ABHD12: variants seen among roughly 807,000 people sequenced by gnomAD.
ABHD12 encodes the protein abhydrolase domain containing 12, lysophospholipase.
A neutral mutation model predicts 58.3 loss-of-function variants in ABHD12; 43 were observed. The observed-to-expected ratio is 0.74, with a 90% CI of 0.58 to 0.95. The LOEUF is 0.95. ABHD12 is among the 40% of genes least tolerant of loss of function. The pLI is 0.00. For synonymous variants in ABHD12, 219 were observed against 211.2 expected (o/e 1.04, Z -0.32); for missense variants, 539 against 537.2 (o/e 1.00, Z -0.03).
intron 1 of ABHD12, among the ~76,000 whole-genome samples, chr20:25,384,259 T>C (rs1157076586): frequency 1.3e-5 from 2 of 151,230 alleles, no homozygotes; most frequent in Admixed American, 6.6e-5. Flanking sequence ...AGTTGACCTA[T>C]GAATGAGATA....
chr20:25,380,419 T>C (rs1416411751), intron 1 of ABHD12, among the ~76,000 whole-genome samples: 1 of 152,128 alleles, frequency 6.6e-6, no homozygotes, highest in Non-Finnish European at 1.5e-5. Context: ...GATGCTTTTA[T>C]TATTTATTTA....
chr20:25,385,116 A>T (rs1002365713), intron 1 of ABHD12, among the ~76,000 whole-genome samples: 1 of 152,028 alleles, frequency 6.6e-6, no homozygotes. Flanking sequence ...GGCGGGTGGA[A>T]CATCTGAGGT....
At chr20:25,328,077 G>C (rs1336519375) in intron 2 of ABHD12, among the ~76,000 whole-genome samples, 2 of 150,570 alleles carry the variant, frequency 1.3e-5, no homozygotes. Flanking sequence ...AGAGTGATTT[G>C]AGTAATAACA....
rs376306392 is a variant in ABHD12, at chr20:25,325,203, CAAAAAAAAAAAAAA to C, written c.317-1787_317-1774del. On this transcript the variant is annotated intron_variant, in intron 2 of 12. Transcript: ENST00000339157. ...CCTGAGTGACAGAGAGACCCTGTTT[CAAAAAAAAAAAAAA>C]AAAAAAAAAAAAAGAACTGGCTTTG... is the stretch of plus-strand genomic sequence containing the variant. Among the ~76,000 whole-genome samples the C allele has an allele frequency of 5.0e-3, 383 of 76,476 alleles. 17 individuals are homozygous for C. The highest frequency in any genetic ancestry group is 1.6e-3 in the East Asian group (3 of 1,854). The allele number at this position is 76,476 out of a possible 152,430, so 50.2% of individuals were successfully genotyped here.
intron 10 of ABHD12, among the ~76,000 whole-genome samples, chr20:25,305,911 A>G (rs1222630662): frequency 2.0e-5 from 3 of 152,110 alleles, no homozygotes; most frequent in African/African-American, 7.2e-5. Context: ...CACGCCTGTA[A>G]TCCCAGCACT....
At chr20:25,296,364 C>A (rs761952950), downstream of ABHD12, 1 of 1,614,044 alleles carries the variant, frequency 6.2e-7, no homozygotes, top group South Asian at 1.1e-5. Flanking sequence ...ATCTCCTTCC[C>A]TGCAGAACCC....
At chr20:25,304,335 C>T (rs2474779) in intron 10 of ABHD12, among the ~76,000 whole-genome samples, 261 of 152,358 alleles carry the variant, frequency 1.7e-3, no homozygotes, top group Middle Eastern at 6.8e-3. Context: ...GTCTGATGTG[C>T]GAGTCCCTCT....
intron 11 of ABHD12, chr20:25,303,280 G>A (rs900655824): frequency 7.7e-7 from 1 of 1,305,214 alleles, no homozygotes; most frequent in Non-Finnish European, 9.8e-7. Flanking sequence ...TGAGGACTGG[G>A]AACTATCTGC....
At chr20:25,381,641 T>TC (rs11483880) in intron 1 of ABHD12, among the ~76,000 whole-genome samples, 1 of 150,986 alleles carries the variant, frequency 6.6e-6, no homozygotes, top group Admixed American at 6.6e-5. Flanking sequence ...TTTTTTTTTT[T>TC]CCTTGTTTTG....
intron 10 of ABHD12, among the ~76,000 whole-genome samples, chr20:25,304,333 T>C (rs1286340299): frequency 1.3e-5 from 2 of 152,244 alleles, no homozygotes; most frequent in Non-Finnish European, 2.9e-5. Flanking sequence ...TTGTCTGATG[T>C]GCGAGTCCCT....
At position 25,303,601 on chromosome 20, in the gene ABHD12, G is replaced by A. The variant is rs778892788; in HGVS notation, c.978C>T (p.Leu326=). The A allele has an allele frequency of 3.1e-6, 5 of 1,613,874 alleles. No homozygotes were observed. The South Asian group carries it at 4.4e-5, about 14-fold the overall frequency. ...ENVKHISCPL[L]ILHAEDDPVV... ...CCGGGTCGTCCTCAGCGTGCAGGAT[G>A]AGCAGGGGACAGGAGATGTGCTTCA... Residue 326 remains leucine (L), a synonymous_variant, in exon 11 of 13, where the codon CTC becomes CTT. Transcript: ENST00000339157.
chr20:25,384,953 A>G (rs1568779678), intron 1 of ABHD12, among the ~76,000 whole-genome samples: 2 of 151,716 alleles, frequency 1.3e-5, no homozygotes, highest in African/African-American at 2.4e-5. Flanking sequence ...AGCACAAAAC[A>G]TGTGTGTGTG....
At chr20:25,350,958 TTCACAC>T (rs1205081188) in intron 1 of ABHD12, among the ~76,000 whole-genome samples, 1 of 82,396 alleles carries the variant, frequency 1.2e-5, no homozygotes, top group Non-Finnish European at 2.3e-5. Flanking sequence ...CTACGAATCC[TTCACAC>T]ACACACACAC....
chr20:25,357,188 A>C (rs1221392235), intron 1 of ABHD12, among the ~76,000 whole-genome samples: 4 of 151,422 alleles, frequency 2.6e-5, no homozygotes, highest in Non-Finnish European at 5.9e-5. Flanking sequence ...CCAACCCCTG[A>C]CTCTCCAGCG....
chr20:25,378,029 T>C (rs955222544), intron 1 of ABHD12, among the ~76,000 whole-genome samples: 9 of 152,316 alleles, frequency 5.9e-5, no homozygotes, highest in Middle Eastern at 3.4e-3. Context: ...TAGTACTACA[T>C]TGAGGACCAA....
chr20:25,350,441 A>T (rs1434232060), intron 1 of ABHD12, among the ~76,000 whole-genome samples: 1 of 152,156 alleles, frequency 6.6e-6, no homozygotes, highest in African/African-American at 2.4e-5. Flanking sequence ...TTCTCATGGT[A>T]GTAAGTCTCA....
chr20:25,313,879 C>G (rs973669171), intron 6 of ABHD12, among the ~76,000 whole-genome samples: 2 of 152,194 alleles, frequency 1.3e-5, no homozygotes, highest in Non-Finnish European at 2.9e-5. Context: ...TGGTATATAT[C>G]AAACTATGGA....
chr20:25,332,462 G>GACATCCAC (rs1555815720), intron 2 of ABHD12, among the ~76,000 whole-genome samples: 5 of 149,822 alleles, frequency 3.3e-5, no homozygotes, highest in African/African-American at 1.2e-4. Context: ...AGACCTAATA[G>GACATCCAC]ACATCTACAG....
At chr20:25,320,385 CGTG>C (rs1568726058) in intron 3 of ABHD12, 67 bp from the exon 4 acceptor site, 1 of 1,602,358 alleles carries the variant, frequency 6.2e-7, no homozygotes, top group African/African-American at 1.3e-5. Flanking sequence ...GGCGACTGCA[CGTG>C]GTGTTACTTA....
Sources: gnomAD v4.1 joint callset for allele counts (sites outside exome capture counted in the v4.1 genomes callset) on GRCh38, gnomAD v4.1.1 for gene constraint, MANE v1.5 for transcripts, NCBI Gene and HGNC (gene_info 2026-07-23, HGNC 2026-07-21) for gene names.